KIF13A: variants seen among roughly 807,000 people sequenced by gnomAD.
KIF13A encodes the protein kinesin-like protein KIF13A.
KIF13A carries 79 observed loss-of-function variants against 212.2 expected under a neutral mutation model. The observed-to-expected ratio is 0.37, with a 90% CI of 0.31 to 0.45. The LOEUF is 0.45. Ranked by LOEUF, KIF13A falls within the 20% of genes least tolerant of loss-of-function variation. The pLI, the probability that KIF13A is intolerant of heterozygous loss-of-function variation, is 1.00. For missense variants in KIF13A, 1,901 were observed against 2,209.0 expected (o/e 0.86, Z 2.79); for synonymous variants, 789 against 808.6 (o/e 0.98, Z 0.41).
Position 17,835,195 on chromosome 6 carries a change from CAAAAAAAAAAAAAAAAAAAA to C in KIF13A, c.1156-1144_1156-1125del, listed in dbSNP as rs61697144. On this transcript the variant is annotated intron_variant, in intron 11 of 38. Coordinates refer to ENST00000259711, the MANE Select transcript of KIF13A (RefSeq NM_022113.6). ...AGAGACTCTGTCCACCCGCCCCCGC[CAAAAAAAAAAAAAAAAAAAA>C]AAAAAAAAAAAAAAAAAAAAAAAAG... Among the ~76,000 whole-genome samples, 213 of 45,940 alleles carry C rather than the reference CAAAAAAAAAAAAAAAAAAAA, an allele frequency of 4.6e-3. 3 individuals carry two copies. Among genetic ancestry groups the C allele is most frequent in the Non-Finnish European group, 6.2e-3 (149 of 24,226 alleles). The allele number at this position is 45,940 out of a possible 152,430, so 30.1% of individuals were successfully genotyped here.
At chr6:17,767,832 A>C (rs1759146407) in intron 38 of KIF13A, among the ~76,000 whole-genome samples, 1 of 152,244 alleles carries the variant, frequency 6.6e-6, no homozygotes. Flanking sequence ...ATATGTAATC[A>C]TGAATTCACT....
In KIF13A at chr6:17,814,632, T is replaced by C. The variant is rs1401020262; in HGVS notation, c.2000+2388A>G. Among the ~76,000 whole-genome samples the C allele has an allele frequency of 6.6e-5, 10 of 152,264 alleles. No individual in the cohort carries two copies. In the East Asian group the frequency reaches 1.9e-3, roughly 29 times the overall value. On this transcript the variant is annotated intron_variant, in intron 17 of 38. Transcript: ENST00000259711. ...GAGAAAACTGGGTTCAAACTCTGTT[T>C]TTTTCACTTCCTAGATGGTTGATTA...
intron 2 of KIF13A, among the ~76,000 whole-genome samples, chr6:17,901,007 G>A (rs1013620911): frequency 2.0e-5 from 3 of 150,226 alleles, no homozygotes; most frequent in African/African-American, 7.3e-5. Flanking sequence ...GAACCCAGGA[G>A]GCGGAGCTTG....
At chr6:17,846,843 CAG>C in intron 9 of KIF13A, among the ~76,000 whole-genome samples, 1 of 152,166 alleles carries the variant, frequency 6.6e-6, no homozygotes, top group Non-Finnish European at 1.5e-5. Context: ...GCCTGGCAAA[CAG>C]AATGCACAGC....
intron 2 of KIF13A, among the ~76,000 whole-genome samples, chr6:17,975,427 C>T (rs1011759840): frequency 2.0e-5 from 3 of 152,036 alleles, no homozygotes; most frequent in African/African-American, 4.8e-5. Context: ...TTGGTGGGTT[C>T]GTGATCTCGC....
At chr6:17,851,121 G>C (rs1767599627) in intron 7 of KIF13A, among the ~76,000 whole-genome samples, 1 of 152,150 alleles carries the variant, frequency 6.6e-6, no homozygotes, top group Admixed American at 6.5e-5. Context: ...AAGAACCAGG[G>C]ACCTCAGTGA....
rs1156638779 is a variant in KIF13A, at chr6:17,850,993, G to C, written c.583-536C>G. ...ATACAAGGATGCTGAAGTTCGTGGAGGTCAAGCAACTTTCCCCAAATCCAG... is the reference window on the plus strand; with the variant it reads ...ATACAAGGATGCTGAAGTTCGTGGACGTCAAGCAACTTTCCCCAAATCCAG... On this transcript the variant is annotated intron_variant, in intron 7 of 38. Coordinates refer to ENST00000259711, the MANE Select transcript of KIF13A (RefSeq NM_022113.6). This position sits in a 1 kb window ranked among gnomAD's most constrained non-coding sequence, Gnocchi z 6.2. Among the ~76,000 whole-genome samples, 1 of 152,110 alleles carries C rather than the reference G, an allele frequency of 6.6e-6. No homozygotes were observed. Among genetic ancestry groups the C allele is most frequent in the Non-Finnish European group, 1.5e-5 (1 of 68,020 alleles).
chr6:17,926,845 G>C lies in KIF13A; in HGVS notation c.147-28665C>G, dbSNP rs1775539077. Among the ~76,000 whole-genome samples the C allele has an allele frequency of 6.6e-6, 1 of 152,060 alleles. No individual in the cohort carries two copies. Among genetic ancestry groups the C allele is most frequent in the Non-Finnish European group, 1.5e-5 (1 of 68,012 alleles). ...ACTTCTGGGAATATACCCAAAAGAA[G>C]AGAAAGCAGGGACTGGGCGCGGTGG... On this transcript the variant is annotated intron_variant, in intron 2 of 38. Transcript: ENST00000259711. This position sits in a 1 kb window ranked among gnomAD's most constrained non-coding sequence, Gnocchi z 4.3.
At chr6:17,957,204 T>A (rs554172268) in intron 2 of KIF13A, among the ~76,000 whole-genome samples, 139 of 152,278 alleles carry the variant, frequency 9.1e-4, no homozygotes, top group Non-Finnish European at 1.4e-3. Context: ...GCCATCCATA[T>A]TCAATCATGT....
chr6:17,770,977 C>A, intron 38 of KIF13A, 137 bp downstream of exon 38: 1 of 603,508 alleles, frequency 1.7e-6, no homozygotes, highest in Non-Finnish European at 2.9e-6. Context: ...ATATCATTAC[C>A]AATGGTCACA....
chr6:17,911,284 G>A (rs562581242), intron 2 of KIF13A, among the ~76,000 whole-genome samples: 1 of 152,314 alleles, frequency 6.6e-6, no homozygotes, highest in South Asian at 2.1e-4. Context: ...GAAACCCAGA[G>A]TAGTGACCCT....
chr6:17,844,866 T>C (rs562237379), intron 9 of KIF13A, among the ~76,000 whole-genome samples: 39 of 152,280 alleles, frequency 2.6e-4, no homozygotes, highest in Non-Finnish European at 4.9e-4. Context: ...TCAATACAAA[T>C]TCATGTTTTG....
intron 26 of KIF13A, among the ~76,000 whole-genome samples, chr6:17,788,905 A>G (rs1761294836): frequency 6.6e-6 from 1 of 151,514 alleles, no homozygotes; most frequent in African/African-American, 2.4e-5. Flanking sequence ...TTGTATTTTT[A>G]GTAGAGACGG....
intron 29 of KIF13A, among the ~76,000 whole-genome samples, chr6:17,782,077 C>T (rs1026130157): frequency 1.2e-4 from 18 of 152,050 alleles, no homozygotes. Context: ...GCTGGGACTA[C>T]AGGTGTGCAC....
At chr6:17,916,356 C>A (rs1190019192) in intron 2 of KIF13A, among the ~76,000 whole-genome samples, 3 of 152,272 alleles carry the variant, frequency 2.0e-5, no homozygotes, top group South Asian at 4.1e-4. Context: ...CATGTGAAAC[C>A]TCACTGTGTA....
rs1040700002 is a variant in KIF13A at position 17,786,579 on chromosome 6, G to A, written c.3362-938C>T. Among the ~76,000 whole-genome samples the A allele has an allele frequency of 1.3e-5, 2 of 151,952 alleles. No individual in the cohort carries two copies. Among genetic ancestry groups the A allele is most frequent in the African/African-American group, 4.8e-5 (2 of 41,360 alleles). On this transcript the variant is annotated intron_variant, in intron 27 of 38. Coordinates refer to ENST00000259711, the MANE Select transcript of KIF13A (RefSeq NM_022113.6). The surrounding 1 kb of genome is among the most constrained non-coding windows in gnomAD (Gnocchi z 5.4). The stretch of plus-strand genomic sequence containing the variant: ...CATGCCACTGCACTCCAGCCTGGGC[G>A]ACAGAGGGAGACTCCATCTCAAAAA...
intron 4 of KIF13A, among the ~76,000 whole-genome samples, chr6:17,864,747 T>A (rs1769191828): frequency 6.6e-6 from 1 of 152,178 alleles, no homozygotes; most frequent in Non-Finnish European, 1.5e-5. Flanking sequence ...GCCTCCCACC[T>A]TGGCCTCACA....
chr6:17,792,623 C>G (rs1761690184), intron 25 of KIF13A, among the ~76,000 whole-genome samples: 1 of 152,156 alleles, frequency 6.6e-6, no homozygotes, highest in African/African-American at 2.4e-5. Flanking sequence ...TGCACACACA[C>G]AAGGAAAAGT....
Position 17,849,611 on chromosome 6 carries a change from G to A in KIF13A, c.718-122C>T, listed in dbSNP as rs184804931. On this transcript the variant is annotated intron_variant, in intron 8 of 38. Transcript: ENST00000259711. The surrounding 1 kb of genome is among the most constrained non-coding windows in gnomAD (Gnocchi z 5.7). The stretch of plus-strand genomic sequence containing the variant: ...CACTCTCATATGGCAAATTTCTTAA[G>A]TTTTTAAACGGTCAGAAGAGTTATT... 8.9e-5 allele frequency: 53 copies of A among 592,274 alleles called. No individual in the cohort carries two copies. Among genetic ancestry groups the A allele is most frequent in the Non-Finnish European group, 1.2e-5 (4 of 343,968 alleles). 36.7% of individuals were successfully genotyped at this position (592,274 alleles called of 1,614,324 possible). A position where few individuals can be genotyped will look rare whatever the true frequency, so the allele number is the denominator to read the frequency against.
Sources: gnomAD v4.1 joint callset for allele counts (sites outside exome capture counted in the v4.1 genomes callset) on GRCh38, gnomAD v4.1.1 for gene constraint, Gnocchi (gnomAD v3.1) non-coding constraint, MANE v1.5 for transcripts, NCBI Gene and HGNC (gene_info 2026-07-23, HGNC 2026-07-21) for gene names.